SORCS1: variants seen among roughly 807,000 people sequenced by gnomAD.
The protein encoded by SORCS1 is VPS10 domain-containing receptor SorCS1.
A neutral mutation model predicts 146.1 loss-of-function variants in SORCS1; 60 were observed. That is an observed-to-expected ratio of 0.41 (90% CI 0.33 to 0.51). The LOEUF is 0.51. Among genes scored for constraint, SORCS1 ranks in the 20% least tolerant of loss-of-function variants. SORCS1 has a pLI of 0.21. For missense variants in SORCS1, 1,352 were observed against 1,487.6 expected (o/e 0.91, Z 1.50); for synonymous variants, 637 against 584.0 (o/e 1.09, Z -1.31).
intron 1 of SORCS1, among the ~76,000 whole-genome samples, chr10:106,976,344 T>TTTTTTTTTG (rs1564878144): frequency 9.9e-6 from 1 of 100,582 alleles, no homozygotes; most frequent in African/African-American, 2.8e-5. Flanking sequence ...TTTTTTTTTT[T>TTTTTTTTTG]TTTTTGAGAC....
intron 5 of SORCS1, among the ~76,000 whole-genome samples, chr10:106,730,854 G>T (rs1258377995): frequency 6.6e-6 from 1 of 152,028 alleles, no homozygotes; most frequent in Non-Finnish European, 1.5e-5. Flanking sequence ...AATTAAACTT[G>T]GGAACATCTG....
chr10:106,615,944 C>T lies in SORCS1; in HGVS notation c.2920+2205G>A, dbSNP rs533623972. On this transcript the variant is annotated intron_variant, in intron 21 of 25. Coordinates refer to ENST00000263054, the MANE Select transcript of SORCS1 (RefSeq NM_052918.5). The stretch of plus-strand genomic sequence containing the variant: ...TATACTTGTCTCATGTTTTCTCATC[C>T]GTAAAATGCATAATTATAGAATATT... Among the ~76,000 whole-genome samples, 183 of 152,140 alleles carry T rather than the reference C, an allele frequency of 1.2e-3. 1 individual carries two copies. The highest frequency in any genetic ancestry group is 4.0e-3 in the African/African-American group (165 of 41,506).
At chr10:107,134,908 A>G (rs1000889749) in intron 1 of SORCS1, among the ~76,000 whole-genome samples, 4 of 152,160 alleles carry the variant, frequency 2.6e-5, no homozygotes, top group Admixed American at 6.5e-5. Flanking sequence ...CACACAAGGA[A>G]GAGATTTGGA....
chr10:106,937,613 C>G (rs1395488934), intron 2 of SORCS1, among the ~76,000 whole-genome samples: 1 of 152,140 alleles, frequency 6.6e-6, no homozygotes, highest in Admixed American at 6.5e-5. Flanking sequence ...TGTGAGTCCA[C>G]TAAACCTGTT....
intron 21 of SORCS1, among the ~76,000 whole-genome samples, chr10:106,612,565 T>C (rs1268029956): frequency 1.3e-5 from 2 of 151,648 alleles, no homozygotes; most frequent in Non-Finnish European, 2.9e-5. Context: ...CAGGGTGCCA[T>C]GTTGTTCTAC....
chr10:106,698,445 T>G (rs1348983034), intron 9 of SORCS1, among the ~76,000 whole-genome samples: 1 of 152,236 alleles, frequency 6.6e-6, no homozygotes, highest in Non-Finnish European at 1.5e-5. Flanking sequence ...TATAACCTAT[T>G]ATAAATCTTT....
intron 12 of SORCS1, among the ~76,000 whole-genome samples, chr10:106,678,615 T>A (rs965025137): frequency 6.6e-6 from 1 of 152,248 alleles, no homozygotes; most frequent in Non-Finnish European, 1.5e-5. Context: ...GTGCATATCT[T>A]GTTAAGATTG....
chr10:107,070,619 C>T (rs1269528938), intron 1 of SORCS1, among the ~76,000 whole-genome samples: 4 of 152,146 alleles, frequency 2.6e-5, no homozygotes, highest in Non-Finnish European at 5.9e-5. Flanking sequence ...TTTATAAAAT[C>T]CATTTCTTTT....
chr10:106,823,336 A>G (rs1483128986), intron 3 of SORCS1, among the ~76,000 whole-genome samples: 1 of 152,194 alleles, frequency 6.6e-6, no homozygotes, highest in African/African-American at 2.4e-5. Context: ...TCTTGGTTAG[A>G]ACAGACAAAA....
intron 1 of SORCS1, among the ~76,000 whole-genome samples, chr10:107,132,251 A>G (rs1966911634): frequency 6.6e-6 from 1 of 151,666 alleles, no homozygotes; most frequent in South Asian, 2.1e-4. Flanking sequence ...ATTTATTCCT[A>G]TACCCAAGCT....
At position 107,164,179 on chromosome 10, in the gene SORCS1, C is replaced by T. The variant is rs1215860976; in HGVS notation, c.348G>A (p.Glu116=). Residue 116 remains glutamate (E), a synonymous_variant, in exon 1 of 26, where the codon GAG becomes GAA. Transcript: ENST00000263054. The surrounding 1 kb of genome is among the most constrained non-coding windows in gnomAD (Gnocchi z 6.8). ...TCGCGCCCTCTCCCCGTTCTGCCTT[C>T]TCCTGATCCGCTCCGCTCCGTCTCC... ...GRRRRSGADQ[E]KAERGEGASR... is the part of the protein sequence containing the mutation. 1 of 1,612,232 alleles carries T rather than the reference C, an allele frequency of 6.2e-7. No homozygotes were observed. The highest frequency in any genetic ancestry group is 1.1e-5 in the South Asian group (1 of 91,074).
chr10:106,979,472 AATT>A lies in SORCS1; in HGVS notation c.559-22895_559-22893del, dbSNP rs201237836. ...CAAATCATGTTTGGTTTGTCCTACA[AATT>A]ATTAGCCCTCAGTATGTTTCTAAAA... On this transcript the variant is annotated intron_variant, in intron 1 of 25. Coordinates refer to ENST00000263054, the MANE Select transcript of SORCS1 (RefSeq NM_052918.5). Among the ~76,000 whole-genome samples the A allele has an allele frequency of 4.7e-4, 71 of 152,310 alleles. 1 individual carries two copies. The East Asian group carries it at 0.013, about 28-fold the overall frequency.
intron 1 of SORCS1, among the ~76,000 whole-genome samples, chr10:107,128,622 T>G (rs907669693): frequency 1.3e-5 from 2 of 152,200 alleles, no homozygotes; most frequent in Non-Finnish European, 2.9e-5. Flanking sequence ...AACACACACC[T>G]GAACCACAGC....
intron 2 of SORCS1, among the ~76,000 whole-genome samples, chr10:106,946,428 C>T (rs1251088619): frequency 2.6e-5 from 4 of 152,162 alleles, no homozygotes; most frequent in Non-Finnish European, 4.4e-5. Flanking sequence ...ATCATGGGAG[C>T]GGGTCTTCCC....
At chr10:107,173,250 G>C in the SORCS1 span, among the ~76,000 whole-genome samples, 1 of 152,132 alleles carries the variant, frequency 6.6e-6, no homozygotes, top group Admixed American at 6.6e-5. Flanking sequence ...AAGAGATGTA[G>C]GTCACGGAGT....
chr10:106,585,950 A>G (rs1054851184), intron 24 of SORCS1, among the ~76,000 whole-genome samples: 2 of 152,204 alleles, frequency 1.3e-5, no homozygotes, highest in African/African-American at 2.4e-5. Context: ...GAGCTCCCCA[A>G]CCAACAACCC....
At chr10:107,134,050 CT>C (rs762148602) in intron 1 of SORCS1, among the ~76,000 whole-genome samples, 59 of 152,262 alleles carry the variant, frequency 3.9e-4, no homozygotes, top group Non-Finnish European at 6.3e-4. Flanking sequence ...GCTATTATTA[CT>C]ACTAGTAGTA....
intron 4 of SORCS1, among the ~76,000 whole-genome samples, chr10:106,771,906 TG>T (rs1472773027): frequency 6.6e-6 from 1 of 152,178 alleles, no homozygotes; most frequent in Admixed American, 6.5e-5. Flanking sequence ...AGAATTTCAA[TG>T]GGTAAAAGGC....
chr10:106,924,717 G>T (rs1233986061), intron 2 of SORCS1, among the ~76,000 whole-genome samples: 2 of 135,150 alleles, frequency 1.5e-5, no homozygotes, highest in African/African-American at 5.1e-5. Context: ...GATGAACAGG[G>T]ATTCCCAAGT....
Sources: gnomAD v4.1 joint callset for allele counts (sites outside exome capture counted in the v4.1 genomes callset) on GRCh38, gnomAD v4.1.1 for gene constraint, Gnocchi (gnomAD v3.1) non-coding constraint, MANE v1.5 for transcripts, NCBI Gene and HGNC (gene_info 2026-07-23, HGNC 2026-07-21) for gene names.